The following DNMBP variants were observed in gnomAD, a reference collection of about 807,000 sequenced individuals.
DNMBP encodes the protein dynamin-binding protein.
A neutral mutation model predicts 150.0 loss-of-function variants in DNMBP; 87 were observed. The ratio of observed to expected loss-of-function variants is 0.58; its 90% CI spans 0.49 to 0.69. The LOEUF (loss-of-function observed/expected upper bound fraction) is 0.69, where lower values mean the gene tolerates loss of function less well. Among genes scored for constraint, DNMBP ranks in the 30% least tolerant of loss-of-function variants. The pLI is 0.00. For synonymous variants in DNMBP, 711 were observed against 750.4 expected (o/e 0.95, Z 0.86); for missense variants, 1,774 against 1,949.0 (o/e 0.91, Z 1.69).
intron 4 of DNMBP, among the ~76,000 whole-genome samples, chr10:99,933,967 A>C (rs1216559879): frequency 1.3e-5 from 2 of 152,088 alleles, no homozygotes; most frequent in Non-Finnish European, 2.9e-5. Flanking sequence ...CAATCTCCTG[A>C]CCTCATGATC....
chr10:99,922,502 GT>G (rs71189108), intron 4 of DNMBP, among the ~76,000 whole-genome samples: 24,769 of 78,726 alleles, frequency 0.31, 1,676 homozygotes, highest in Non-Finnish European at 0.34. Flanking sequence ...AGCTGCTGCT[GT>G]TTTTTTTTTT....
chr10:99,990,776 C>T (rs1275421426), intron 1 of DNMBP, among the ~76,000 whole-genome samples: 1 of 109,082 alleles, frequency 9.2e-6, no homozygotes, highest in Admixed American at 9.3e-5. Flanking sequence ...CATATATACA[C>T]ATATATACAC....
chr10:99,928,671 G>A (rs562752997), intron 4 of DNMBP, among the ~76,000 whole-genome samples: 3 of 152,314 alleles, frequency 2.0e-5, no homozygotes, highest in African/African-American at 7.2e-5. Context: ...GGCTCAGTGA[G>A]ATGAAGTGAT....
At chr10:99,906,087 T>C (rs2039821608) in intron 6 of DNMBP, among the ~76,000 whole-genome samples, 1 of 152,174 alleles carries the variant, frequency 6.6e-6, no homozygotes. Context: ...TCAGGAAACA[T>C]TAACCATGCT....
At chr10:99,949,739 T>A (rs80317711) in intron 4 of DNMBP, among the ~76,000 whole-genome samples, 7,889 of 152,184 alleles carry the variant, frequency 0.052, 227 homozygotes, top group African/African-American at 0.079. Flanking sequence ...GCAATTTTTT[T>A]AAAAAGTCAG....
chr10:99,904,845 T>G (rs1456037901), intron 6 of DNMBP, among the ~76,000 whole-genome samples: 2 of 152,168 alleles, frequency 1.3e-5, no homozygotes, highest in African/African-American at 4.8e-5. Flanking sequence ...TTTCTCAGTT[T>G]ATTGTCATAA....
chr10:99,901,117 G>A (rs939029660), intron 6 of DNMBP, among the ~76,000 whole-genome samples: 15 of 152,134 alleles, frequency 9.9e-5, no homozygotes, highest in African/African-American at 3.6e-4. Flanking sequence ...TGTAATTTTA[G>A]TAGAGACAGG....
intron 13 of DNMBP, 94 bp downstream of exon 13, chr10:99,886,206 C>T (rs563489443): frequency 2.9e-6 from 3 of 1,036,306 alleles, no homozygotes; most frequent in African/African-American, 3.2e-5. Flanking sequence ...TTATCTAATT[C>T]AGATAATTTT....
chr10:99,922,502 GTTTTTTTT>G (rs71189108), intron 4 of DNMBP, among the ~76,000 whole-genome samples: 7 of 78,774 alleles, frequency 8.9e-5, no homozygotes, highest in Admixed American at 3.9e-4. Flanking sequence ...AGCTGCTGCT[GTTTTTTTT>G]TTTTTTTTTT....
chr10:99,900,308 G>C (rs924899003), intron 6 of DNMBP, among the ~76,000 whole-genome samples: 14 of 151,976 alleles, frequency 9.2e-5, no homozygotes, highest in Non-Finnish European at 2.1e-4. Context: ...TTTTGAGACA[G>C]GGTCTCTGTC....
At chr10:99,901,474 T>C (rs916240742) in intron 6 of DNMBP, among the ~76,000 whole-genome samples, 2 of 152,168 alleles carry the variant, frequency 1.3e-5, no homozygotes, top group Admixed American at 6.5e-5. Flanking sequence ...ATAAATGCTA[T>C]ATTTCAGTTA....
intron 1 of DNMBP, among the ~76,000 whole-genome samples, chr10:100,009,440 G>A (rs1462652922): frequency 6.6e-6 from 1 of 152,256 alleles, no homozygotes; most frequent in African/African-American, 2.4e-5. Flanking sequence ...GTAAGGCTCC[G>A]AACATCTGTA....
At chr10:99,987,922 A>C (rs1357764882) in intron 1 of DNMBP, among the ~76,000 whole-genome samples, 1 of 152,216 alleles carries the variant, frequency 6.6e-6, no homozygotes, top group Non-Finnish European at 1.5e-5. Flanking sequence ...ATATGATCAC[A>C]GGTCGATTAA....
chr10:99,936,769 A>G (rs928485102), intron 4 of DNMBP, among the ~76,000 whole-genome samples: 2 of 152,166 alleles, frequency 1.3e-5, no homozygotes, highest in African/African-American at 4.8e-5. Flanking sequence ...AAGTGGTATG[A>G]TCTAAGCTCA....
At chr10:99,947,768 C>G (rs2040374348) in intron 4 of DNMBP, among the ~76,000 whole-genome samples, 1 of 152,150 alleles carries the variant, frequency 6.6e-6, no homozygotes, top group South Asian at 2.1e-4. Context: ...ATTTAAAATA[C>G]TAAATATTTG....
At chr10:99,877,672 T>C (rs563300999) in intron 16 of DNMBP, among the ~76,000 whole-genome samples, 1 of 152,278 alleles carries the variant, frequency 6.6e-6, no homozygotes, top group Non-Finnish European at 1.5e-5. Context: ...AAGACCAGCC[T>C]GGCCAACATG....
Position 99,956,145 on chromosome 10 carries a change from G to A in DNMBP, c.1329C>T (p.Tyr443=), listed in dbSNP as rs751724292. 3 of 1,614,136 alleles carry A rather than the reference G, an allele frequency of 1.9e-6. No individual in the cohort carries two copies. Among genetic ancestry groups the A allele is most frequent in the Non-Finnish European group, 2.5e-6 (3 of 1,180,028 alleles). ...VGGSHPHSEQ[Y]PDLLPLEART... The stretch of plus-strand genomic sequence containing the variant: ...TTGCTTCTAGGGGAAGAAGGTCGGG[G>A]TACTGTTCTGAGTGCGGGTGGCTCC... The change falls in exon 4 of 17, where the codon TAC becomes TAT. Residue 443 remains tyrosine (Y), a synonymous_variant. Coordinates refer to ENST00000324109, the MANE Select transcript of DNMBP (RefSeq NM_015221.4).
intron 3 of DNMBP, chr10:99,958,503 T>A (rs2040524578): frequency 6.6e-6 from 1 of 152,268 alleles, no homozygotes; most frequent in African/African-American, 2.4e-5. Flanking sequence ...ATCTGGCAGA[T>A]GTTTCCTCCA....
At chr10:100,008,933 C>G (rs1299465460) in intron 1 of DNMBP, among the ~76,000 whole-genome samples, 2 of 152,178 alleles carry the variant, frequency 1.3e-5, no homozygotes, top group African/African-American at 4.8e-5. Flanking sequence ...TGCTCAAACC[C>G]TAAATATTAG....
Sources: gnomAD v4.1 joint callset for allele counts (sites outside exome capture counted in the v4.1 genomes callset) on GRCh38, gnomAD v4.1.1 for gene constraint, MANE v1.5 for transcripts, NCBI Gene and HGNC (gene_info 2026-07-23, HGNC 2026-07-21) for gene names.